The following TENT5A variants were observed in gnomAD, a reference collection of about 807,000 sequenced individuals.
The protein encoded by TENT5A is terminal nucleotidyltransferase 5A.
Under a neutral mutation model 30.2 loss-of-function variants are expected in TENT5A, and 9 were observed. The observed-to-expected ratio is 0.30, with a 90% CI of 0.18 to 0.52. TENT5A has a LOEUF of 0.52. Ranked by LOEUF, TENT5A falls within the 20% of genes least tolerant of loss-of-function variation. TENT5A has a pLI of 0.97. For missense variants in TENT5A, 411 were observed against 566.1 expected, an observed-to-expected ratio of 0.73 and a Z score of 2.78; for synonymous variants, 264 against 234.2, an observed-to-expected ratio of 1.13 and a Z score of -1.16.
chr6:81,751,632 G>T lies in TENT5A; in HGVS notation c.510C>A (p.Pro170=), dbSNP rs772776576. The T allele has an allele frequency of 1.9e-6, 3 of 1,613,722 alleles. No individual in the cohort carries two copies. The Admixed American group carries it at 5.0e-5, about 27-fold the overall frequency. The change falls in exon 2 of 3, where the codon CCC becomes CCA. Residue 170 remains proline, a synonymous_variant. Coordinates refer to ENST00000320172, the MANE Select transcript of TENT5A (RefSeq NM_017633.3). The part of the protein sequence containing the change: ...VVLDCLLDFL[P]EGVNKEKITP... ...TGATCTTCTCTTTGTTCACCCCCTC[G>T]GGTAAGAAGTCCAACAGGCAGTCCA...
In TENT5A at chr6:81,752,266, G is replaced by C. The variant is rs1285752166; in HGVS notation, c.-37-88C>G. The C allele has an allele frequency of 2.0e-6, 3 of 1,483,700 alleles. No homozygotes were observed. In the African/African-American group the frequency reaches 4.3e-5, roughly 21 times the overall value. The allele number at this position is 1,483,700 out of a possible 1,614,324, so 91.9% of individuals were successfully genotyped here. ...GGAGAGCAGAGGCCCGCCAGGAAAAGAGCGCCCCCTCCCCCGATAGTTCCC... is the reference window on the plus strand; with the variant it reads ...GGAGAGCAGAGGCCCGCCAGGAAAACAGCGCCCCCTCCCCCGATAGTTCCC... On this transcript the variant is annotated intron_variant, in intron 1 of 2. Transcript: ENST00000320172.
In TENT5A at chr6:81,747,793, T is replaced by C; in HGVS notation, c.*1902A>G. 1.0e-6 allele frequency: 1 copy of C among 985,832 alleles called. No individual in the cohort carries two copies. The highest frequency in any genetic ancestry group is 1.2e-6 in the Non-Finnish European group (1 of 829,906). The allele number at this position is 985,832 out of a possible 1,614,324, so 61.1% of individuals were successfully genotyped here. On this transcript the variant is annotated 3_prime_UTR_variant, in exon 3 of 3. Coordinates refer to ENST00000320172, the MANE Select transcript of TENT5A (RefSeq NM_017633.3). ...TTGTTTTGTTTTTAACAAATGCATT[T>C]TCAGAGACCAGTATCTAGAGGAACT...
At position 81,746,438 on chromosome 6, in the gene TENT5A, C is replaced by T. The variant is rs1405803745; in HGVS notation, c.*3257G>A. Reference sequence around the variant, plus strand: ...TCATTTCCTTCCTTGGTTTGGATTACACATATTCTTCCATCCTTGCATTTT... The same window carrying T: ...TCATTTCCTTCCTTGGTTTGGATTATACATATTCTTCCATCCTTGCATTTT... On this transcript the variant is annotated 3_prime_UTR_variant, in exon 3 of 3. Coordinates refer to ENST00000320172, the MANE Select transcript of TENT5A (RefSeq NM_017633.3). 4.9e-6 allele frequency: 6 copies of T among 1,231,578 alleles called. No homozygotes were observed. The highest frequency in any genetic ancestry group is 4.7e-5 in the African/African-American group (3 of 64,400). The allele number at this position is 1,231,578 out of a possible 1,614,324, so 76.3% of individuals were successfully genotyped here. A position where few individuals can be genotyped will look rare whatever the true frequency, so the allele number is the denominator to read the frequency against.
In TENT5A at chr6:81,746,782, C is replaced by T. The variant is rs1004917730; in HGVS notation, c.*2913G>A. The T allele has an allele frequency of 4.1e-6, 5 of 1,211,334 alleles. No homozygotes were observed. The East Asian group carries it at 9.9e-5, about 24-fold the overall frequency. The allele number at this position is 1,211,334 out of a possible 1,614,324, so 75.0% of individuals were successfully genotyped here. On this transcript the variant is annotated 3_prime_UTR_variant, in exon 3 of 3. Coordinates refer to ENST00000320172, the MANE Select transcript of TENT5A (RefSeq NM_017633.3). The stretch of plus-strand genomic sequence containing the variant: ...GCTGTTCTTTTCTCTGACCTATACA[C>T]ATGGCTCTCTCTCACCAGACATTCA...
At position 81,749,759 on chromosome 6, in the gene TENT5A, G is replaced by A; in HGVS notation, c.1265C>T (p.Ala422Val). 1.9e-6 allele frequency: 3 copies of A among 1,613,904 alleles called. No individual in the cohort carries two copies. The highest frequency in any genetic ancestry group is 2.2e-5 in the South Asian group (2 of 91,072). The change falls in exon 3 of 3, where the codon GCA becomes GTA. Residue 422 changes from alanine (A) to valine (V), a missense_variant. By Grantham distance (64) the Ala-to-Val change is moderately conservative. Around this residue, in one of 5 missense-constraint regions of TENT5A, gnomAD observed 75 missense variants for 80.9 expected, o/e 0.93. Coordinates refer to ENST00000320172, the MANE Select transcript of TENT5A (RefSeq NM_017633.3). The part of the protein sequence containing the change: ...ADANFSNYYI[A>V]QVQPVFTCQQ... ...GCACGTGAATACTGGCTGAACCTGT[G>A]CAATGTAGTAATTGCTAAAGTTGGC...
rs987603575 is a variant in TENT5A at position 81,746,853 on chromosome 6, T to C, written c.*2842A>G. On this transcript the variant is annotated 3_prime_UTR_variant, in exon 3 of 3. Transcript: ENST00000320172. ...ACAAAGAGAGACATATATTTCACTG[T>C]GTGTTCAACTACATATGCACAAGAC... is the stretch of plus-strand genomic sequence containing the variant. 2 of 1,126,300 alleles carry C rather than the reference T, an allele frequency of 1.8e-6. No individual in the cohort carries two copies. The highest frequency in any genetic ancestry group is 2.2e-6 in the Non-Finnish European group (2 of 921,754). 69.8% of individuals were successfully genotyped at this position (1,126,300 alleles called of 1,614,324 possible).
In TENT5A at chr6:81,752,277, C is replaced by G. The variant is rs1581992395; in HGVS notation, c.-37-99G>C. On this transcript the variant is annotated intron_variant, in intron 1 of 2. Coordinates refer to ENST00000320172, the MANE Select transcript of TENT5A (RefSeq NM_017633.3). ...GCCCGCCAGGAAAAGAGCGCCCCCT[C>G]CCCCGATAGTTCCCTGACCCCGGGC... is the stretch of plus-strand genomic sequence containing the variant. 3 of 1,498,026 alleles carry G rather than the reference C, an allele frequency of 2.0e-6. No homozygotes were observed. The East Asian group carries it at 7.4e-5, about 37-fold the overall frequency. 92.8% of individuals were successfully genotyped at this position (1,498,026 alleles called of 1,614,324 possible).
intron 1 of TENT5A, 67 bp from the exon 2 acceptor site, chr6:81,752,245 A>AG: frequency 2.7e-6 from 4 of 1,474,236 alleles, no homozygotes; most frequent in Non-Finnish European, 3.6e-6. Flanking sequence ...GGCGGCGGAG[A>AG]GCAGAGGCCC....
At chr6:81,752,359 G>A (rs981176111) in intron 1 of TENT5A, 72 bp downstream of exon 1, 3 of 1,514,372 alleles carry the variant, frequency 2.0e-6, no homozygotes, top group East Asian at 5.1e-5. Flanking sequence ...ACCGCGCCCC[G>A]CAGAGCAGCC....
chr6:81,746,511 G>A lies in TENT5A; in HGVS notation c.*3184C>T, dbSNP rs536511972. The A allele has an allele frequency of 8.1e-7, 1 of 1,231,936 alleles. No homozygotes were observed. Among genetic ancestry groups the A allele is most frequent in the Non-Finnish European group, 1.0e-6 (1 of 987,918 alleles). The allele number at this position is 1,231,936 out of a possible 1,614,324, so 76.3% of individuals were successfully genotyped here. On this transcript the variant is annotated 3_prime_UTR_variant, in exon 3 of 3. Transcript: ENST00000320172. ...CCAATACCAAAGTGAGCAGATACTTGATCCCATTTCTGGAAAGGAAATGTC... is the reference window on the plus strand; with the variant it reads ...CCAATACCAAAGTGAGCAGATACTTAATCCCATTTCTGGAAAGGAAATGTC...
Position 81,746,102 on chromosome 6 carries a change from T to C in TENT5A, c.*3593A>G. ...AGAAAGCCATTATTTTAACAAAATA[T>C]AACATAGAGATTCTTTCTTAGCACT... On this transcript the variant is annotated 3_prime_UTR_variant, in exon 3 of 3. Coordinates refer to ENST00000320172, the MANE Select transcript of TENT5A (RefSeq NM_017633.3). 5.1e-6 allele frequency: 5 copies of C among 981,462 alleles called. No individual in the cohort carries two copies. Among genetic ancestry groups the C allele is most frequent in the Non-Finnish European group, 6.1e-6 (5 of 825,676 alleles). 60.8% of individuals were successfully genotyped at this position (981,462 alleles called of 1,614,324 possible). A position where few individuals can be genotyped will look rare whatever the true frequency, so the allele number is the denominator to read the frequency against.
At position 81,747,514 on chromosome 6, in the gene TENT5A, C is replaced by A; in HGVS notation, c.*2181G>T. 1 of 985,756 alleles carries A rather than the reference C, an allele frequency of 1.0e-6. No individual in the cohort carries two copies. Among genetic ancestry groups the A allele is most frequent in the Non-Finnish European group, 1.2e-6 (1 of 829,916 alleles). 61.1% of individuals were successfully genotyped at this position (985,756 alleles called of 1,614,324 possible). On this transcript the variant is annotated 3_prime_UTR_variant, in exon 3 of 3. Coordinates refer to ENST00000320172, the MANE Select transcript of TENT5A (RefSeq NM_017633.3). The stretch of plus-strand genomic sequence containing the variant: ...CCCATTAAGGCTTCAAAGAAAGATG[C>A]ACAAAAGGTAGTCCAGACGGATTAA...
Position 81,751,854 on chromosome 6 carries a change from C to A in TENT5A, c.288G>T (p.Gln96His), listed in dbSNP as rs1303194940. ...GCACCACCTTCACGATCAGGCTCGG[C>A]TGCAGCTCGAGCGTGGGGAAGTTGC... ...GRGNFPTLEL[Q>H]PSLIVKVVRR... The change falls in exon 2 of 3, where the codon CAG (glutamine) becomes CAT (histidine). Residue 96 changes from glutamine to histidine, a missense_variant. Physicochemically the swap from Gln to His is conservative, Grantham distance 24 (BLOSUM62 0). This residue lies in a region of TENT5A where 157 missense variants were observed against 183.2 expected (regional missense o/e 0.86). Coordinates refer to ENST00000320172, the MANE Select transcript of TENT5A (RefSeq NM_017633.3). 3 of 1,613,062 alleles carry A rather than the reference C, an allele frequency of 1.9e-6. No individual in the cohort carries two copies. Among genetic ancestry groups the A allele is most frequent in the Non-Finnish European group, 2.5e-6 (3 of 1,179,926 alleles).
At position 81,752,010 on chromosome 6, in the gene TENT5A, A is replaced by T. The variant is rs373591596; in HGVS notation, c.132T>A (p.Gly44=). The T allele has an allele frequency of 6.6e-5, 88 of 1,341,108 alleles. No individual in the cohort carries two copies. Among genetic ancestry groups the T allele is most frequent in the Non-Finnish European group, 8.3e-5 (80 of 969,570 alleles). The allele number at this position is 1,341,108 out of a possible 1,614,324, so 83.1% of individuals were successfully genotyped here. A position where few individuals can be genotyped will look rare whatever the true frequency, so the allele number is the denominator to read the frequency against. ...AGCAATGCCCACCGAAGCTGCCGCC[A>T]CCGCCGAAGTCGCCGCCGCCGAAGT... ...GGDFGGGDFG[G]GGSFGGHCLD... The change falls in exon 2 of 3, where the codon GGT becomes GGA. Residue 44 remains glycine (G), a synonymous_variant. Coordinates refer to ENST00000320172, the MANE Select transcript of TENT5A (RefSeq NM_017633.3).
rs1216242095 is a variant in TENT5A at position 81,748,997 on chromosome 6, G to A, written c.*698C>T. The A allele has an allele frequency of 3.8e-5, 37 of 985,668 alleles. No individual in the cohort carries two copies. The highest frequency in any genetic ancestry group is 4.3e-5 in the Non-Finnish European group (36 of 829,916). The allele number at this position is 985,668 out of a possible 1,614,324, so 61.1% of individuals were successfully genotyped here. ...CCTTGAGCACACTTTCTTTGTTACAGCTGTTTTTGCTTGCATTTTTACATT... is the reference window on the plus strand; with the variant it reads ...CCTTGAGCACACTTTCTTTGTTACAACTGTTTTTGCTTGCATTTTTACATT... On this transcript the variant is annotated 3_prime_UTR_variant, in exon 3 of 3. Coordinates refer to ENST00000320172, the MANE Select transcript of TENT5A (RefSeq NM_017633.3).
rs773451915 is a variant in TENT5A at position 81,749,697 on chromosome 6, A to C, written c.1327T>G (p.Ter443GluextTer46). 6.3e-7 allele frequency: 1 copy of C among 1,594,900 alleles called. No homozygotes were observed. Among genetic ancestry groups the C allele is most frequent in the Middle Eastern group, 1.7e-4 (1 of 5,986 alleles). The stretch of plus-strand genomic sequence containing the variant: ...CACAGGACATTTTTAAATGATTCTT[A>C]ATTGCAGGGTAGCCAAGTGGAGTAG... ...QTYSTWLPCN[*>E] The change falls in exon 3 of 3, where the codon TAA becomes GAA. Residue 443 changes from the stop codon to glutamate, a stop_lost. Coordinates refer to ENST00000320172, the MANE Select transcript of TENT5A (RefSeq NM_017633.3).
Position 81,746,805 on chromosome 6 carries a change from T to G in TENT5A, c.*2890A>C, listed in dbSNP as rs553385662. 18 of 1,197,198 alleles carry G rather than the reference T, an allele frequency of 1.5e-5. No individual in the cohort carries two copies. In the South Asian group the frequency reaches 6.5e-4, roughly 43 times the overall value. 74.2% of individuals were successfully genotyped at this position (1,197,198 alleles called of 1,614,324 possible). On this transcript the variant is annotated 3_prime_UTR_variant, in exon 3 of 3. Transcript: ENST00000320172. ...CACATGGCTCTCTCTCACCAGACAT[T>G]CAAATTTTTAGGCCGCACATCCACA...
At position 81,752,149 on chromosome 6, in the gene TENT5A, C is replaced by T. The variant is rs751164406; in HGVS notation, c.-8G>A. On this transcript the variant is annotated 5_prime_UTR_variant, in exon 2 of 3. Transcript: ENST00000320172. ...CCCTTCACCCTCCGCCATGTAGTGC[C>T]CGCCGAGCGCCACTTGGCCCTGGTC... 2 of 1,537,456 alleles carry T rather than the reference C, an allele frequency of 1.3e-6. No individual in the cohort carries two copies. Among genetic ancestry groups the T allele is most frequent in the South Asian group, 2.4e-5 (2 of 82,580 alleles).
In TENT5A at chr6:81,746,077, A is replaced by G. The variant is rs188108655; in HGVS notation, c.*3618T>C. 10 of 985,400 alleles carry G rather than the reference A, an allele frequency of 1.0e-5. No individual in the cohort carries two copies. The East Asian group carries it at 1.1e-3, about 112-fold the overall frequency. 61.0% of individuals were successfully genotyped at this position (985,400 alleles called of 1,614,324 possible). ...TTTGTACTTTACCATTTGCTTTGTT[A>G]GAAAGCCATTATTTTAACAAAATAT... On this transcript the variant is annotated 3_prime_UTR_variant, in exon 3 of 3. Transcript: ENST00000320172.
Sources: allele counts gnomAD v4.1 joint callset, GRCh38; gene constraint gnomAD v4.1.1; regional missense constraint gnomAD v4.1.1; transcripts MANE v1.5; gene names NCBI Gene and HGNC (gene_info 2026-07-23, HGNC 2026-07-21).